The following CFAP46 variants were observed in gnomAD, a reference collection of about 807,000 sequenced individuals.
CFAP46 encodes cilia- and flagella-associated protein 46.
Under a neutral mutation model 325.7 loss-of-function variants are expected in CFAP46, and 245 were observed. The ratio of observed to expected loss-of-function variants is 0.75; its 90% CI spans 0.68 to 0.84. The LOEUF is 0.84. CFAP46 is among the 40% of genes least tolerant of loss of function. The probability of loss-of-function intolerance (pLI) is 0.00; values close to 1 mark genes in which losing one functional copy is unlikely to be tolerated. For missense variants in CFAP46, 3,346 were observed against 3,543.0 expected, an observed-to-expected ratio of 0.94 and a Z score of 1.41; for synonymous variants, 1,523 against 1,495.9, an observed-to-expected ratio of 1.02 and a Z score of -0.42.
In CFAP46 at chr10:132,899,360, G is replaced by A. The variant is rs534870606; in HGVS notation, c.3056+175C>T. ...GCCCAGGTGGGTACAAGGGCAAGAG[G>A]GGGCCGCTGCACCTCCCTGAAGACT... On this transcript the variant is annotated intron_variant, in intron 23 of 57. Coordinates refer to ENST00000368586, the MANE Select transcript of CFAP46 (RefSeq NM_001200049.3). Among the ~76,000 whole-genome samples the A allele has an allele frequency of 2.6e-3, 390 of 152,322 alleles. 2 individuals are homozygous for A. The highest frequency in any genetic ancestry group is 9.0e-3 in the African/African-American group (374 of 41,578).
chr10:132,942,218 C>T, intron 1 of CFAP46, 114 bp from the exon 2 acceptor site: 1 of 1,384,456 alleles, frequency 7.2e-7, no homozygotes, highest in Admixed American at 2.4e-5. Context: ...GCCACAGCCA[C>T]CGTCAGAACC....
chr10:132,837,881 A>G (rs1283577861), intron 44 of CFAP46, among the ~76,000 whole-genome samples: 1 of 151,942 alleles, frequency 6.6e-6, no homozygotes, highest in African/African-American at 2.4e-5. Flanking sequence ...ACACACAGAC[A>G]TGCACGGACA....
intron 5 of CFAP46, among the ~76,000 whole-genome samples, chr10:132,938,152 C>A (rs1850039392): frequency 6.6e-6 from 1 of 152,234 alleles, no homozygotes. Flanking sequence ...CCCCTCAGGG[C>A]TGAGACCCAG....
Position 132,878,045 on chromosome 10 carries a change from G to T in CFAP46, c.4048C>A (p.Pro1350Thr). The change falls in exon 30 of 58, where the codon CCC (proline) becomes ACC (threonine). Residue 1350 changes from proline to threonine, a missense_variant. Coordinates refer to ENST00000368586, the MANE Select transcript of CFAP46 (RefSeq NM_001200049.3). ...AGATGTGAGCTGGTTGCTGCCAGGGGTCTGTTTTCCAGAACTGATTTTCCT... is the reference window on the plus strand; with the variant it reads ...AGATGTGAGCTGGTTGCTGCCAGGGTTCTGTTTTCCAGAACTGATTTTCCT... ...TAGKSVLENR[P>T]LAATSSHLLL... is the part of the protein sequence containing the mutation. The T allele has an allele frequency of 6.5e-7, 1 of 1,549,150 alleles. No homozygotes were observed. Among genetic ancestry groups the T allele is most frequent in the Non-Finnish European group, 8.7e-7 (1 of 1,146,340 alleles).
chr10:132,912,217 CTCTCT>C (rs1403794838), intron 19 of CFAP46, among the ~76,000 whole-genome samples: 12 of 115,928 alleles, frequency 1.0e-4, no homozygotes, highest in African/African-American at 3.3e-4. Context: ...TCCCTCTCCT[CTCTCT>C]TCTCCTCTCT....
At position 132,877,126 on chromosome 10, in the gene CFAP46, T is replaced by C. The variant is rs1848967746; in HGVS notation, c.4213-165A>G. ...AGTGCCCAGATCCAGCCTCTGATAC[T>C]GTTTCCAGGCAGTGCACGCAAAGCT... On this transcript the variant is annotated intron_variant, in intron 30 of 57. Coordinates refer to ENST00000368586, the MANE Select transcript of CFAP46 (RefSeq NM_001200049.3). This position sits in a 1 kb window ranked among gnomAD's most constrained non-coding sequence, Gnocchi z 5.7. Among the ~76,000 whole-genome samples the C allele has an allele frequency of 6.6e-6, 1 of 152,162 alleles. No homozygotes were observed. Among genetic ancestry groups the C allele is most frequent in the Non-Finnish European group, 1.5e-5 (1 of 68,020 alleles).
At chr10:132,905,265 T>G (rs1182294502) in intron 22 of CFAP46, among the ~76,000 whole-genome samples, 1 of 152,164 alleles carries the variant, frequency 6.6e-6, no homozygotes, top group Non-Finnish European at 1.5e-5. Flanking sequence ...ACTCTCTAAC[T>G]GGTGTACGCC....
chr10:132,915,040 C>T (rs1459215878), intron 17 of CFAP46, among the ~76,000 whole-genome samples: 1 of 152,248 alleles, frequency 6.6e-6, no homozygotes, highest in Non-Finnish European at 1.5e-5. Context: ...CTGTCCGTCC[C>T]GCTAGACCAG....
Position 132,846,037 on chromosome 10 carries a change from C to A in CFAP46, c.6438+20G>T. Reference sequence around the variant, plus strand: ...GCTCCAGAGCTGGGGGCAGGTTCAGCGGCATCCGTGCCCGCTTACCTTGGA... The same window carrying A: ...GCTCCAGAGCTGGGGGCAGGTTCAGAGGCATCCGTGCCCGCTTACCTTGGA... On this transcript the variant is annotated intron_variant, in intron 44 of 57. Transcript: ENST00000368586. The A allele has an allele frequency of 6.3e-7, 1 of 1,592,500 alleles. No homozygotes were observed. Among genetic ancestry groups the A allele is most frequent in the Non-Finnish European group, 8.5e-7 (1 of 1,175,466 alleles).
At chr10:132,851,811 T>C (rs1436692208) in intron 39 of CFAP46, among the ~76,000 whole-genome samples, 1 of 152,288 alleles carries the variant, frequency 6.6e-6, no homozygotes, top group Non-Finnish European at 1.5e-5. Context: ...CCAACATTCA[T>C]GTGCAAGGTA....
chr10:132,909,608 G>T (rs907548330), intron 20 of CFAP46, among the ~76,000 whole-genome samples: 1 of 152,200 alleles, frequency 6.6e-6, no homozygotes, highest in Admixed American at 6.5e-5. Context: ...AGGCTCCAAG[G>T]CCCCTCCTCC....
At chr10:132,821,494 GAT>G (rs1847825989) in intron 50 of CFAP46, among the ~76,000 whole-genome samples, 6 of 146,374 alleles carry the variant, frequency 4.1e-5, no homozygotes, top group African/African-American at 1.6e-4. Flanking sequence ...TGTGAGTGCT[GAT>G]GTGTGCTGTG....
Position 132,867,477 on chromosome 10 carries a change from C to A in CFAP46, c.4641G>T (p.Glu1547Asp), listed in dbSNP as rs564964575. Residue 1547 changes from glutamate (E) to aspartate (D), a missense_variant, in exon 34 of 58, where the codon GAG (glutamate) becomes GAT (aspartate). Transcript: ENST00000368586. ...CTTCTAATAAAGGCTCCTTATTTTT[C>A]TCTTTTTTCAACGCGATCTCTTTTC... ...SCRKEIALKK[E>D]KNKEPLLEES... 1.3e-6 allele frequency: 2 copies of A among 1,550,268 alleles called. No individual in the cohort carries two copies. The highest frequency in any genetic ancestry group is 1.7e-6 in the Non-Finnish European group (2 of 1,146,978).
intron 11 of CFAP46, among the ~76,000 whole-genome samples, chr10:132,924,206 C>T (rs1034411412): frequency 8.6e-5 from 13 of 151,874 alleles, no homozygotes; most frequent in Middle Eastern, 3.4e-3. Context: ...ATGCCTGCCG[C>T]CTGCCTGCCA....
At chr10:132,921,517 C>G (rs916664797) in intron 13 of CFAP46, among the ~76,000 whole-genome samples, 4 of 152,232 alleles carry the variant, frequency 2.6e-5, no homozygotes, top group Non-Finnish European at 4.4e-5. Context: ...CTTTGACCCC[C>G]GTGATCCAGG....
At position 132,860,783 on chromosome 10, in the gene CFAP46, G is replaced by A. The variant is rs773601956; in HGVS notation, c.5090C>T (p.Thr1697Met). 15 of 1,550,610 alleles carry A rather than the reference G, an allele frequency of 9.7e-6. No homozygotes were observed. The highest frequency in any genetic ancestry group is 1.4e-5 in the African/African-American group (1 of 73,050). The change falls in exon 36 of 58, where the codon ACG (threonine) becomes ATG (methionine). Residue 1697 changes from threonine (T) to methionine (M), a missense_variant and splice_region_variant. Transcript: ENST00000368586. The part of the protein sequence containing the change: ...LSMEHSGREA[T>M]VCHIFQKLIN... ...GCCCCAGGTCCCCGTGCCTCTTACC[G>A]TAGCTTCCCTTCCTGAGTGTTCCAT...
rs1848075386 is a variant in CFAP46 at position 132,827,369 on chromosome 10, CTCCCTGGG to C, written c.7117+5981_7117+5988del. 6.6e-6 allele frequency among the ~76,000 whole-genome samples: 1 copy of C among 152,172 alleles called. No individual in the cohort carries two copies. The highest frequency in any genetic ancestry group is 2.4e-5 in the African/African-American group (1 of 41,444). ...TGGGAGCTCCTGGGCCTGGAGGAGC[CTCCCTGGG>C]ACACGGTGCCTGCAGGGCCCTCTGT... is the stretch of plus-strand genomic sequence containing the variant. On this transcript the variant is annotated intron_variant, in intron 50 of 57. Coordinates refer to ENST00000368586, the MANE Select transcript of CFAP46 (RefSeq NM_001200049.3). The surrounding 1 kb of genome is among the most constrained non-coding windows in gnomAD (Gnocchi z 5.7).
At chr10:132,878,110 T>G (rs1411988804) in intron 29 of CFAP46, 23 bp from the exon 30 acceptor site, 1 of 1,549,166 alleles carries the variant, frequency 6.5e-7, no homozygotes, top group Non-Finnish European at 8.7e-7. Context: ...AAATCCACAT[T>G]TGCAGCACTG....
intron 55 of CFAP46, among the ~76,000 whole-genome samples, chr10:132,811,721 G>T (rs1471851226): frequency 6.6e-6 from 1 of 152,234 alleles, no homozygotes; most frequent in Non-Finnish European, 1.5e-5. Flanking sequence ...CACTGCCTCA[G>T]TTGGAATTCA....
Sources: allele counts gnomAD v4.1 joint callset (sites outside exome capture counted in the v4.1 genomes callset), GRCh38; gene constraint gnomAD v4.1.1; non-coding constraint Gnocchi (gnomAD v3.1); transcripts MANE v1.5; gene names NCBI Gene and HGNC (gene_info 2026-07-23, HGNC 2026-07-21).